NBAS: variants seen among roughly 807,000 people sequenced by gnomAD.
NBAS encodes NAG/BC035112 fusion.
In NBAS, 219 loss-of-function variants were observed where a neutral mutation model predicts 302.5. The ratio of observed to expected loss-of-function variants is 0.72; its 90% CI spans 0.65 to 0.81. NBAS has a LOEUF of 0.81. Ranked by LOEUF, NBAS falls within the 30% of genes least tolerant of loss-of-function variation. The pLI, the probability that NBAS is intolerant of heterozygous loss-of-function variation, is 0.00. For missense variants in NBAS, 2,932 were observed against 2,841.6 expected (o/e 1.03, Z -0.72); for synonymous variants, 1,118 against 1,021.6 (o/e 1.09, Z -1.80).
intron 21 of NBAS, among the ~76,000 whole-genome samples, chr2:15,439,180 G>T (rs1489685269): frequency 1.3e-5 from 2 of 151,864 alleles, no homozygotes; most frequent in Admixed American, 1.3e-4. Flanking sequence ...GCAGGCACCT[G>T]CAGTCCCAGC....
chr2:14,965,238 C>T, the NBAS span, among the ~76,000 whole-genome samples: 72 of 152,136 alleles, frequency 4.7e-4, no homozygotes, highest in South Asian at 1.0e-3. Context: ...AGCCAATCAA[C>T]GCAACTAAAA....
chr2:14,990,730 G>A, the NBAS span, among the ~76,000 whole-genome samples: 1 of 152,098 alleles, frequency 6.6e-6, no homozygotes, highest in African/African-American at 2.4e-5. Flanking sequence ...CTCCAGAGTA[G>A]CTGGGACTGT....
At chr2:14,874,126 C>T in the NBAS span, among the ~76,000 whole-genome samples, 80 of 152,128 alleles carry the variant, frequency 5.3e-4, 2 homozygotes, top group Non-Finnish European at 5.4e-4. Context: ...TTCTACAGAT[C>T]TTAGAGACAA....
the NBAS span, among the ~76,000 whole-genome samples, chr2:14,828,931 T>G: frequency 2.0e-5 from 3 of 152,300 alleles, no homozygotes; most frequent in East Asian, 5.8e-4. Flanking sequence ...TAAGAGTGAA[T>G]CTTTGGATGA....
rs77766717 is a variant in NBAS, at chr2:15,367,145, T to C, written c.3704-452A>G. ...ATTACCCCAGTTTGGAAGGCAGGAGTCTTCAAAGTGCTCACTGTTGCAATT... is the reference window on the plus strand; with the variant it reads ...ATTACCCCAGTTTGGAAGGCAGGAGCCTTCAAAGTGCTCACTGTTGCAATT... On this transcript the variant is annotated intron_variant, in intron 31 of 51. Transcript: ENST00000281513. 8.5e-3 allele frequency among the ~76,000 whole-genome samples: 1,287 copies of C among 151,792 alleles called. 19 individuals carry two copies. Among genetic ancestry groups the C allele is most frequent in the East Asian group, 0.059 (304 of 5,158 alleles).
chr2:15,154,268 G>T, the NBAS span, among the ~76,000 whole-genome samples: 1 of 152,236 alleles, frequency 6.6e-6, no homozygotes, highest in Non-Finnish European at 1.5e-5. Context: ...AGATGGAAAT[G>T]AGTTTCATTA....
the NBAS span, among the ~76,000 whole-genome samples, chr2:14,864,088 G>A: frequency 2.0e-5 from 3 of 152,118 alleles, no homozygotes; most frequent in Non-Finnish European, 4.4e-5. Flanking sequence ...GGAGGGCAAG[G>A]CAGGTGGATC....
At position 15,353,606 on chromosome 2, in the gene NBAS, G is replaced by C; in HGVS notation, c.4036C>G (p.Pro1346Ala). The change falls in exon 34 of 52, where the codon CCT becomes GCT. Residue 1346 changes from proline to alanine, a missense_variant. Coordinates refer to ENST00000281513, the MANE Select transcript of NBAS (RefSeq NM_015909.4). ...ELMAFALTHC[P>A]PSSIELLLAA... is the part of the protein sequence containing the mutation. Reference sequence around the variant, plus strand: ...AAAAGAAGTTCAATGCTGCTAGGAGGGCAATGTGTCAAAGCAAAAGCCATG... The same window carrying C: ...AAAAGAAGTTCAATGCTGCTAGGAGCGCAATGTGTCAAAGCAAAAGCCATG... 3 of 1,614,064 alleles carry C rather than the reference G, an allele frequency of 1.9e-6. No individual in the cohort carries two copies. Among genetic ancestry groups the C allele is most frequent in the South Asian group, 1.1e-5 (1 of 91,082 alleles).
At chr2:15,176,533 T>C (rs6721153) in intron 51 of NBAS, among the ~76,000 whole-genome samples, 41,601 of 152,044 alleles carry the variant, frequency 0.27, 7,012 homozygotes, top group East Asian at 0.64. Context: ...TGTTGACAGA[T>C]TGAATCAATG....
At chr2:15,276,420 C>T (rs1020810540) in intron 43 of NBAS, among the ~76,000 whole-genome samples, 2 of 152,104 alleles carry the variant, frequency 1.3e-5, no homozygotes, top group African/African-American at 2.4e-5. Flanking sequence ...TAAAGATTTC[C>T]ATAATTTATC....
At chr2:15,468,307 C>T in intron 17 of NBAS, 75 bp downstream of exon 17, 9 of 1,541,928 alleles carry the variant, frequency 5.8e-6, no homozygotes, top group Non-Finnish European at 8.1e-6. Flanking sequence ...GAAAAGTTTA[C>T]CCAGTCCAAT....
Position 15,415,659 on chromosome 2 carries a change from A to G in NBAS, c.2824T>C (p.Cys942Arg). 6.2e-7 allele frequency: 1 copy of G among 1,614,210 alleles called. No individual in the cohort carries two copies. The highest frequency in any genetic ancestry group is 8.5e-7 in the Non-Finnish European group (1 of 1,180,038). ...GCCACACCAGGCGACTGTTTCTCACAACGATGAAGAAAGGGAACCATCCAC... is the reference window on the plus strand; with the variant it reads ...GCCACACCAGGCGACTGTTTCTCACGACGATGAAGAAAGGGAACCATCCAC... ...YQWMVPFLHR[C>R]EKQSPGVANE... is the part of the protein sequence containing the mutation. Residue 942 changes from cysteine to arginine, a missense_variant, in exon 25 of 52, where the codon TGT (cysteine) becomes CGT (arginine). By Grantham distance (180) the Cys-to-Arg change is radical. Coordinates refer to ENST00000281513, the MANE Select transcript of NBAS (RefSeq NM_015909.4).
chr2:15,067,954 T>A, the NBAS span, among the ~76,000 whole-genome samples: 1 of 152,072 alleles, frequency 6.6e-6, no homozygotes, highest in Non-Finnish European at 1.5e-5. Context: ...AGTTTCAAGG[T>A]CAAAGGAAAA....
chr2:15,423,793 T>C (rs1677322303), intron 23 of NBAS, among the ~76,000 whole-genome samples: 1 of 152,246 alleles, frequency 6.6e-6, no homozygotes, highest in African/African-American at 2.4e-5. Flanking sequence ...TCAGATACTC[T>C]AAGGTTCAGT....
At chr2:14,930,311 T>C in the NBAS span, among the ~76,000 whole-genome samples, 3 of 152,194 alleles carry the variant, frequency 2.0e-5, no homozygotes, top group African/African-American at 4.8e-5. Flanking sequence ...GACCATGCTA[T>C]ACTCAGCCGC....
At chr2:15,409,978 C>T (rs1190904272) in intron 25 of NBAS, among the ~76,000 whole-genome samples, 2 of 152,128 alleles carry the variant, frequency 1.3e-5, no homozygotes, top group African/African-American at 4.8e-5. Flanking sequence ...TAATTGAAAG[C>T]ACAAATTCAT....
intron 12 of NBAS, among the ~76,000 whole-genome samples, chr2:15,479,931 T>C (rs1296681460): frequency 6.6e-6 from 1 of 152,202 alleles, no homozygotes; most frequent in Non-Finnish European, 1.5e-5. Context: ...AACCAAATTT[T>C]AAGTCACTGA....
the NBAS span, among the ~76,000 whole-genome samples, chr2:14,916,035 G>T: frequency 6.6e-6 from 1 of 152,066 alleles, no homozygotes; most frequent in Non-Finnish European, 1.5e-5. Flanking sequence ...CCAGTCTCAG[G>T]TATGTCTTTA....
downstream of NBAS, among the ~76,000 whole-genome samples, chr2:15,166,672 A>G (rs576890959): frequency 6.6e-6 from 1 of 152,268 alleles, no homozygotes; most frequent in African/African-American, 2.4e-5. Context: ...TCCACCCATG[A>G]CACCTGCCTT....
Sources: gnomAD v4.1 joint callset for allele counts (sites outside exome capture counted in the v4.1 genomes callset) on GRCh38, gnomAD v4.1.1 for gene constraint, MANE v1.5 for transcripts, NCBI Gene and HGNC (gene_info 2026-07-23, HGNC 2026-07-21) for gene names.